The following FAM13B variants were observed in gnomAD, a reference collection of about 807,000 sequenced individuals.
FAM13B encodes protein FAM13B.
Under a neutral mutation model 117.3 loss-of-function variants are expected in FAM13B, and 60 were observed. That is an observed-to-expected ratio of 0.51 (90% CI 0.42 to 0.63). FAM13B has a LOEUF of 0.63. Ranked by LOEUF, FAM13B falls within the 30% of genes least tolerant of loss-of-function variation. The pLI is 0.00. For missense variants in FAM13B, 972 were observed against 1,091.9 expected (o/e 0.89, Z 1.55); for synonymous variants, 332 against 356.1 (o/e 0.93, Z 0.76).
intron 11 of FAM13B, among the ~76,000 whole-genome samples, chr5:137,962,051 CT>C (rs1199978572): frequency 6.6e-6 from 1 of 152,144 alleles, no homozygotes; most frequent in Admixed American, 6.5e-5. Context: ...TACAGTATCT[CT>C]CAGTTAGTTA....
chr5:138,007,175 T>A, intron 6 of FAM13B, 28 bp from the exon 7 acceptor site: 2 of 1,507,350 alleles, frequency 1.3e-6, no homozygotes, highest in Non-Finnish European at 1.8e-6. Flanking sequence ...AATTCAGAAT[T>A]AAAATGTAAT....
intron 10 of FAM13B, 147 bp from the exon 11 acceptor site, chr5:137,962,616 C>T (rs916926675): frequency 3.2e-6 from 2 of 624,698 alleles, no homozygotes; most frequent in African/African-American, 3.7e-5. Context: ...TACTTAGCAT[C>T]TCTTTTTACA....
chr5:138,048,128 G>A (rs1179773744), intron 1 of FAM13B, among the ~76,000 whole-genome samples: 2 of 152,106 alleles, frequency 1.3e-5, no homozygotes, highest in African/African-American at 4.8e-5. Flanking sequence ...GCAGTTTTAG[G>A]TTTACAGAAA....
At chr5:137,952,537 A>C (rs1375628619) in intron 17 of FAM13B, 91 bp downstream of exon 17, 4 of 868,260 alleles carry the variant, frequency 4.6e-6, no homozygotes, top group African/African-American at 1.7e-5. Context: ...CCAAGATTTA[A>C]AATTATCAAA....
chr5:137,970,264 A>G (rs1014399746), intron 10 of FAM13B, among the ~76,000 whole-genome samples: 13 of 152,152 alleles, frequency 8.5e-5, no homozygotes, highest in African/African-American at 1.9e-4. Context: ...CGGATCTCTC[A>G]GCAGAAACTC....
chr5:137,997,770 G>C (rs1348748362), intron 7 of FAM13B, among the ~76,000 whole-genome samples: 2 of 152,070 alleles, frequency 1.3e-5, no homozygotes, highest in Non-Finnish European at 2.9e-5. Context: ...TAAACCACTG[G>C]TTCTCAAAAA....
intron 10 of FAM13B, among the ~76,000 whole-genome samples, chr5:137,971,061 A>G (rs1410742154): frequency 6.6e-6 from 1 of 151,858 alleles, no homozygotes; most frequent in African/African-American, 2.4e-5. Flanking sequence ...ACGAGACAGA[A>G]AGTTAACAAG....
chr5:137,988,191 G>C (rs1777706093), intron 8 of FAM13B, 83 bp downstream of exon 8: 2 of 1,052,970 alleles, frequency 1.9e-6, no homozygotes, highest in Admixed American at 2.7e-5. Context: ...TCTAAAGTGA[G>C]CACAAGTACA....
At chr5:137,966,741 A>C (rs1770088726) in intron 10 of FAM13B, among the ~76,000 whole-genome samples, 1 of 152,078 alleles carries the variant, frequency 6.6e-6, no homozygotes, top group African/African-American at 2.4e-5. Flanking sequence ...ACTACCAAAT[A>C]CTGGCAAGAA....
At chr5:137,941,017 T>C (rs945520443) in intron 23 of FAM13B, among the ~76,000 whole-genome samples, 14 of 152,156 alleles carry the variant, frequency 9.2e-5, no homozygotes, top group Non-Finnish European at 1.9e-4. Flanking sequence ...GCCATTCTCC[T>C]GCCTCAGCCT....
intron 10 of FAM13B, among the ~76,000 whole-genome samples, chr5:137,981,077 A>ATTT (rs56799832): frequency 2.8e-4 from 17 of 60,466 alleles, no homozygotes; most frequent in African/African-American, 1.2e-3. Context: ...ACACCTGGCT[A>ATTT]TTTTTTTTTT....
At chr5:137,994,628 A>G (rs1239612974) in intron 7 of FAM13B, among the ~76,000 whole-genome samples, 2 of 152,264 alleles carry the variant, frequency 1.3e-5, no homozygotes, top group Non-Finnish European at 2.9e-5. Flanking sequence ...CAGATGCCAT[A>G]AAGACCACAT....
At chr5:137,952,824 A>G in intron 16 of FAM13B, 115 bp from the exon 17 acceptor site, 1 of 635,912 alleles carries the variant, frequency 1.6e-6, no homozygotes, top group Admixed American at 2.9e-5. Context: ...TTCTCATTTC[A>G]TCTTATTTTA....
chr5:137,993,713 G>A (rs550652671), intron 7 of FAM13B, among the ~76,000 whole-genome samples: 129 of 152,264 alleles, frequency 8.5e-4, no homozygotes, highest in Non-Finnish European at 1.5e-3. Flanking sequence ...CTTGAACCCA[G>A]GAGGCGGAGG....
chr5:138,037,177 G>A (rs1452048785), upstream of FAM13B: 2 of 163,086 alleles, frequency 1.2e-5, no homozygotes, highest in Admixed American at 1.1e-4. Context: ...TATTTGGCCA[G>A]GATGAGAAGT....
At chr5:137,978,005 A>C (rs1392874456) in intron 10 of FAM13B, among the ~76,000 whole-genome samples, 1 of 152,206 alleles carries the variant, frequency 6.6e-6, no homozygotes, top group Non-Finnish European at 1.5e-5. Context: ...GTGCATGCAC[A>C]CAAAGAAATT....
At chr5:138,002,466 T>C (rs978605639) in intron 7 of FAM13B, among the ~76,000 whole-genome samples, 5 of 151,714 alleles carry the variant, frequency 3.3e-5, no homozygotes, top group Admixed American at 2.0e-4. Flanking sequence ...GAGGCAGAGG[T>C]TGCAGTGAGC....
chr5:137,985,527 CT>C, intron 9 of FAM13B, 138 bp from the exon 10 acceptor site: 1 of 814,218 alleles, frequency 1.2e-6, no homozygotes, highest in Non-Finnish European at 1.9e-6. Flanking sequence ...AAAATCCACA[CT>C]TTTATCTTGC....
chr5:137,971,583 C>G, intron 10 of FAM13B, among the ~76,000 whole-genome samples: 1 of 151,242 alleles, frequency 6.6e-6, no homozygotes, highest in Admixed American at 6.6e-5. Context: ...CATTCAAAAG[C>G]TAGCAGAAGG....
Sources: allele counts gnomAD v4.1 joint callset (sites outside exome capture counted in the v4.1 genomes callset), GRCh38; gene constraint gnomAD v4.1.1; transcripts MANE v1.5; gene names NCBI Gene and HGNC (gene_info 2026-07-23, HGNC 2026-07-21).